The following SCFD2 variants were observed in gnomAD, a reference collection of about 807,000 sequenced individuals.
The protein encoded by SCFD2 is sec1 family domain-containing protein 2.
A neutral mutation model predicts 58.9 loss-of-function variants in SCFD2; 54 were observed. The observed-to-expected ratio is 0.92, with a 90% confidence interval of 0.74 to 1.15. SCFD2 has a LOEUF of 1.15. SCFD2 is among the 50% of genes most tolerant of loss of function. SCFD2 has a pLI of 0.00. For synonymous variants in SCFD2, 321 were observed against 335.9 expected (o/e 0.96, Z 0.49); for missense variants, 805 against 836.6 (o/e 0.96, Z 0.47).
chr4:53,208,828 A>G (rs768706126), intron 4 of SCFD2, among the ~76,000 whole-genome samples: 6 of 152,220 alleles, frequency 3.9e-5, no homozygotes, highest in Non-Finnish European at 8.8e-5. Flanking sequence ...TGTGATTTTT[A>G]GCAAAACTAA....
At chr4:53,001,104 G>T in intron 5 of SCFD2, among the ~76,000 whole-genome samples, 1 of 152,184 alleles carries the variant, frequency 6.6e-6, no homozygotes, top group East Asian at 1.9e-4. Flanking sequence ...AAAGCTAACT[G>T]CAGTTATGTA....
At chr4:53,216,740 G>A (rs1244291042) in intron 4 of SCFD2, among the ~76,000 whole-genome samples, 3 of 152,062 alleles carry the variant, frequency 2.0e-5, no homozygotes, top group African/African-American at 7.2e-5. Flanking sequence ...TGTGATGTTA[G>A]GGTGTCAATT....
At chr4:52,920,928 C>G (rs1719720687) in intron 5 of SCFD2, 58 bp from the exon 6 acceptor site, 1 of 1,131,540 alleles carries the variant, frequency 8.8e-7, no homozygotes, top group East Asian at 2.6e-5. Context: ...TTCATCATGA[C>G]AGCTTGAGCT....
chr4:53,221,400 T>C (rs1161204808), intron 4 of SCFD2, among the ~76,000 whole-genome samples: 3 of 152,328 alleles, frequency 2.0e-5, no homozygotes, highest in South Asian at 4.1e-4. Context: ...GTCCATGTGT[T>C]TTTAATTTCA....
chr4:53,342,549 C>T (rs1206170029), intron 2 of SCFD2, among the ~76,000 whole-genome samples: 5 of 152,092 alleles, frequency 3.3e-5, no homozygotes, highest in African/African-American at 9.7e-5. Context: ...GACAGATCAA[C>T]GAGACAGAAA....
In SCFD2 at chr4:53,276,641, A is replaced by G. The variant is rs999163687; in HGVS notation, c.1136-2640T>C. Among the ~76,000 whole-genome samples the G allele has an allele frequency of 3.3e-5, 5 of 152,124 alleles. No homozygotes were observed. In the South Asian group the frequency reaches 6.2e-4, roughly 19 times the overall value. ...ACCCTCCACCCTCAAGTAAGCTCCAATATCAGCTGTTCCCCTCTTAGTGTC... is the reference window on the plus strand; with the variant it reads ...ACCCTCCACCCTCAAGTAAGCTCCAGTATCAGCTGTTCCCCTCTTAGTGTC... On this transcript the variant is annotated intron_variant, in intron 3 of 8. Coordinates refer to ENST00000401642, the MANE Select transcript of SCFD2 (RefSeq NM_152540.4).
At chr4:53,114,369 GC>G (rs1183388168) in intron 5 of SCFD2, among the ~76,000 whole-genome samples, 2 of 151,884 alleles carry the variant, frequency 1.3e-5, no homozygotes, top group Non-Finnish European at 2.9e-5. Flanking sequence ...CCATCTTTTC[GC>G]CCCCACTGAA....
intron 5 of SCFD2, among the ~76,000 whole-genome samples, chr4:53,079,246 C>G (rs936370819): frequency 6.6e-6 from 1 of 152,114 alleles, no homozygotes; most frequent in Admixed American, 6.6e-5. Context: ...GTCTGGGGGG[C>G]AGAAGATGGA....
intron 5 of SCFD2, chr4:52,956,451 C>T: frequency 2.8e-6 from 1 of 360,046 alleles, no homozygotes; most frequent in Non-Finnish European, 5.4e-6. Context: ...GGGCAGGTGG[C>T]CACCAGGGTC....
intron 5 of SCFD2, among the ~76,000 whole-genome samples, chr4:52,947,968 C>CAAAAAAAAAAAAAAA (rs34494471): frequency 2.8e-5 from 1 of 35,202 alleles, no homozygotes; most frequent in Non-Finnish European, 5.8e-5. Flanking sequence ...AAAAATAGGC[C>CAAAAAAAAAAAAAAA]AAAAAAAAAA....
At chr4:53,027,950 A>C (rs1167294022) in intron 5 of SCFD2, among the ~76,000 whole-genome samples, 1 of 151,960 alleles carries the variant, frequency 6.6e-6, no homozygotes, top group East Asian at 1.9e-4. Flanking sequence ...TTAAAGTTTT[A>C]AGAAAAATAT....
intron 7 of SCFD2, among the ~76,000 whole-genome samples, chr4:52,890,101 C>T (rs1423620726): frequency 6.6e-6 from 1 of 152,220 alleles, no homozygotes; most frequent in Non-Finnish European, 1.5e-5. Context: ...GAGTAAGTAA[C>T]CCAGACCTTC....
At chr4:52,984,248 G>C (rs1342585713) in intron 5 of SCFD2, among the ~76,000 whole-genome samples, 3 of 152,202 alleles carry the variant, frequency 2.0e-5, no homozygotes, top group Non-Finnish European at 4.4e-5. Flanking sequence ...TATTCATAGT[G>C]AAACAAAAGG....
At chr4:53,121,391 C>A (rs138129458) in intron 5 of SCFD2, among the ~76,000 whole-genome samples, 429 of 152,292 alleles carry the variant, frequency 2.8e-3, no homozygotes, top group African/African-American at 9.6e-3. Flanking sequence ...CAAACAAAAT[C>A]CAGCTATTCA....
At chr4:52,965,642 C>T (rs1720946509) in intron 5 of SCFD2, among the ~76,000 whole-genome samples, 1 of 152,218 alleles carries the variant, frequency 6.6e-6, no homozygotes, top group Admixed American at 6.5e-5. Context: ...TCTGATGTTC[C>T]ATGCCTCCTC....
chr4:53,199,997 C>A (rs1391934609), intron 4 of SCFD2, among the ~76,000 whole-genome samples: 1 of 151,870 alleles, frequency 6.6e-6, no homozygotes, highest in Non-Finnish European at 1.5e-5. Context: ...AATGCAAGTT[C>A]TCTTGTGTCT....
intron 4 of SCFD2, among the ~76,000 whole-genome samples, chr4:53,181,957 A>G (rs1727576357): frequency 1.3e-5 from 2 of 152,226 alleles, no homozygotes; most frequent in African/African-American, 4.8e-5. Flanking sequence ...GATGTGAAGG[A>G]CCTCTTTAAG....
intron 4 of SCFD2, among the ~76,000 whole-genome samples, chr4:53,258,265 C>T (rs1730709024): frequency 6.6e-6 from 1 of 151,696 alleles, no homozygotes; most frequent in Admixed American, 6.6e-5. Flanking sequence ...TTTTGTGTAC[C>T]CATCACCCAA....
intron 3 of SCFD2, among the ~76,000 whole-genome samples, chr4:53,308,628 C>T (rs1226246324): frequency 6.6e-6 from 1 of 152,126 alleles, no homozygotes; most frequent in African/African-American, 2.4e-5. Context: ...TATTACTCAG[C>T]CAGAACTGGA....
Sources: gnomAD v4.1 joint callset for allele counts (sites outside exome capture counted in the v4.1 genomes callset) on GRCh38, gnomAD v4.1.1 for gene constraint, MANE v1.5 for transcripts, NCBI Gene and HGNC (gene_info 2026-07-23, HGNC 2026-07-21) for gene names.